Variants in LEMD1 observed in about 807,000 individuals in gnomAD.
LEMD1 encodes the protein LEM domain containing 1, also known as LEM domain-containing protein 1.
LEMD1 carries 18 observed loss-of-function variants against 17.4 expected under a neutral mutation model. That is an observed-to-expected ratio of 1.04 (90% CI 0.72 to 1.54). The LOEUF is 1.54. Among genes scored for constraint, LEMD1 ranks in the 40% most tolerant of loss-of-function variants. The pLI is 0.00. For synonymous variants in LEMD1, 88 were observed against 77.8 expected, an observed-to-expected ratio of 1.13 and a Z score of -0.69; for missense variants, 195 against 210.4, an observed-to-expected ratio of 0.93 and a Z score of 0.45.
chr1:205,394,126 A>T (rs1664473231), intron 4 of LEMD1, among the ~76,000 whole-genome samples: 1 of 134,410 alleles, frequency 7.4e-6, no homozygotes, highest in African/African-American at 2.7e-5. Context: ...CACACATTGA[A>T]TGATTCCATT....
chr1:205,427,743 A>G (rs555273010), intron 1 of LEMD1, among the ~76,000 whole-genome samples: 1 of 152,366 alleles, frequency 6.6e-6, no homozygotes, highest in Admixed American at 6.5e-5. Flanking sequence ...AAGTGGAAGA[A>G]AAAGAAGACA....
intron 4 of LEMD1, among the ~76,000 whole-genome samples, chr1:205,401,890 G>T (rs1444708690): frequency 6.6e-6 from 1 of 152,156 alleles, no homozygotes; most frequent in East Asian, 1.9e-4. Context: ...TAATGTGTAA[G>T]GAAGGGATCC....
intron 4 of LEMD1, among the ~76,000 whole-genome samples, chr1:205,410,488 A>G (rs983446121): frequency 2.6e-5 from 4 of 152,322 alleles, no homozygotes; most frequent in African/African-American, 7.2e-5. Context: ...CTAAGAGACA[A>G]CGTATATGGT....
upstream of LEMD1, among the ~76,000 whole-genome samples, chr1:205,422,960 A>G (rs1666001758): frequency 6.6e-6 from 1 of 152,214 alleles, no homozygotes. Context: ...TCAAAGGGCT[A>G]TGTTATTCAA....
chr1:205,433,639 G>A (rs1305553553), intron 1 of LEMD1, among the ~76,000 whole-genome samples: 2 of 152,194 alleles, frequency 1.3e-5, no homozygotes, highest in Non-Finnish European at 2.9e-5. Context: ...AGAGGGTGAA[G>A]GCTGGGCTGC....
chr1:205,424,273 A>T (rs1372511274), upstream of LEMD1, among the ~76,000 whole-genome samples: 1 of 152,226 alleles, frequency 6.6e-6, no homozygotes, highest in Non-Finnish European at 1.5e-5. Flanking sequence ...TCCACTATGC[A>T]GGCAAAAGGA....
chr1:205,443,812 C>T (rs2102469082), intron 1 of LEMD1, among the ~76,000 whole-genome samples: 1 of 152,316 alleles, frequency 6.6e-6, no homozygotes, highest in Middle Eastern at 3.4e-3. Flanking sequence ...GGACATGGGG[C>T]AGAGAATTCC....
chr1:205,384,069 C>T (rs972340705), intron 5 of LEMD1, among the ~76,000 whole-genome samples: 8 of 151,964 alleles, frequency 5.3e-5, no homozygotes, highest in Admixed American at 2.0e-4. Context: ...GACTTTTGCC[C>T]TGTCTTCCCA....
At chr1:205,417,290 C>G (rs551091604) in intron 3 of LEMD1, among the ~76,000 whole-genome samples, 1 of 152,296 alleles carries the variant, frequency 6.6e-6, no homozygotes, top group South Asian at 2.1e-4. Flanking sequence ...AGTGGCAAAC[C>G]TTATAAACAG....
intron 5 of LEMD1, among the ~76,000 whole-genome samples, chr1:205,382,684 C>G (rs567058762): frequency 6.6e-6 from 1 of 152,316 alleles, no homozygotes; most frequent in East Asian, 1.9e-4. Context: ...GGCATAAAGC[C>G]TGACTTGGCA....
chr1:205,398,940 T>G (rs981355070), intron 4 of LEMD1, among the ~76,000 whole-genome samples: 10 of 151,802 alleles, frequency 6.6e-5, no homozygotes, highest in African/African-American at 2.4e-4. Context: ...TGAGGCTGAG[T>G]GTGGTGACTC....
chr1:205,407,537 C>T (rs1001466143), intron 4 of LEMD1, among the ~76,000 whole-genome samples: 2 of 152,034 alleles, frequency 1.3e-5, no homozygotes, highest in African/African-American at 2.4e-5. Flanking sequence ...TAGAGGGCAG[C>T]GCGCCCAGAG....
rs546957870 is a variant in LEMD1 at position 205,384,637 on chromosome 1, C to G, written c.271-273G>C. ...CACGTGATGAGAACAGCACTCTGTTCTTAAATATCAGCTCTATTTTGCTTC... is the reference window on the plus strand; with the variant it reads ...CACGTGATGAGAACAGCACTCTGTTGTTAAATATCAGCTCTATTTTGCTTC... On this transcript the variant is annotated intron_variant, in intron 4 of 5. Transcript: ENST00000367153. 3.9e-5 allele frequency among the ~76,000 whole-genome samples: 6 copies of G among 152,316 alleles called. No individual in the cohort carries two copies. In the East Asian group the frequency reaches 1.2e-3, roughly 29 times the overall value.
intron 4 of LEMD1, among the ~76,000 whole-genome samples, chr1:205,415,952 T>G (rs1450492876): frequency 6.6e-6 from 1 of 152,092 alleles, no homozygotes; most frequent in Middle Eastern, 3.4e-3. Flanking sequence ...AGACAACAGA[T>G]AGTGAAAATG....
At chr1:205,392,966 G>A (rs753406223) in intron 4 of LEMD1, among the ~76,000 whole-genome samples, 5 of 151,996 alleles carry the variant, frequency 3.3e-5, no homozygotes, top group African/African-American at 7.2e-5. Context: ...GAAAGTAGCC[G>A]GGCATGGTGG....
At position 205,420,556 on chromosome 1, in the gene LEMD1, C is replaced by G; in HGVS notation, c.-20G>C. ...CACCATGATGATAGAAGTTTGGCCT[C>G]TTTTCTGATGGTAGAATCCTTGAAA... On this transcript the variant is annotated 5_prime_UTR_variant, in exon 2 of 6. Coordinates refer to ENST00000367153, the MANE Select transcript of LEMD1 (RefSeq NM_001199050.2). 6.3e-7 allele frequency: 1 copy of G among 1,582,606 alleles called. No individual in the cohort carries two copies. Among genetic ancestry groups the G allele is most frequent in the South Asian group, 1.1e-5 (1 of 90,428 alleles).
chr1:205,427,484 TGAGAGA>T lies in LEMD1; in HGVS notation c.-38-6916_-38-6911del, dbSNP rs3973968. On this transcript the variant is annotated intron_variant, in intron 1 of 3. Coordinates refer to the LEMD1 transcript ENST00000367154. The stretch of plus-strand genomic sequence containing the variant: ...ATCTGCTTTTTCTCAAAAGAACATT[TGAGAGA>T]GAGAGAGAGAGAGAGAGACAGAGAG... 4.0e-3 allele frequency among the ~76,000 whole-genome samples: 589 copies of T among 147,346 alleles called. 6 individuals are homozygous for T. Among genetic ancestry groups the T allele is most frequent in the African/African-American group, 0.014 (565 of 40,370 alleles).
At chr1:205,406,143 G>A (rs1385593322) in intron 4 of LEMD1, among the ~76,000 whole-genome samples, 9 of 152,322 alleles carry the variant, frequency 5.9e-5, no homozygotes, top group Non-Finnish European at 1.3e-4. Context: ...TAGGCTGCTC[G>A]GGGGTCAGGG....
chr1:205,441,667 A>G lies in LEMD1; in HGVS notation c.-39+8201T>C, dbSNP rs1666295687. Among the ~76,000 whole-genome samples the G allele has an allele frequency of 6.6e-6, 1 of 152,230 alleles. No individual in the cohort carries two copies. Among genetic ancestry groups the G allele is most frequent in the African/African-American group, 2.4e-5 (1 of 41,464 alleles). ...ACCCTTCCTTTGACTGCTCAGGGCAATGCAAATCCCATCCTCACCATGCAG... is the reference window on the plus strand; with the variant it reads ...ACCCTTCCTTTGACTGCTCAGGGCAGTGCAAATCCCATCCTCACCATGCAG... On this transcript the variant is annotated intron_variant, in intron 1 of 3. Transcript: ENST00000367154. This position sits in a 1 kb window ranked among gnomAD's most constrained non-coding sequence, Gnocchi z 4.3.
Sources: allele counts gnomAD v4.1 joint callset (sites outside exome capture counted in the v4.1 genomes callset), GRCh38; gene constraint gnomAD v4.1.1; non-coding constraint Gnocchi (gnomAD v3.1); transcripts MANE v1.5; gene names NCBI Gene and HGNC (gene_info 2026-07-23, HGNC 2026-07-21).